CDK5RAP2: variants seen among roughly 807,000 people sequenced by gnomAD.
The protein encoded by CDK5RAP2 is CDK5 regulatory subunit-associated protein 2.
Under a neutral mutation model 232.9 loss-of-function variants are expected in CDK5RAP2, and 147 were observed. That is an observed-to-expected ratio of 0.63 (90% CI 0.55 to 0.72). The LOEUF (loss-of-function observed/expected upper bound fraction) is 0.72. Ranked by LOEUF, CDK5RAP2 falls within the 30% of genes least tolerant of loss-of-function variation. The probability of loss-of-function intolerance (pLI) is 0.00; values close to 1 mark genes in which losing one functional copy is unlikely to be tolerated. For missense variants in CDK5RAP2, 2,195 were observed against 2,231.5 expected (o/e 0.98, Z 0.33); for synonymous variants, 833 against 833.7 (o/e 1.00, Z 0.01).
chr9:120,529,028 G>A (rs571435826), intron 8 of CDK5RAP2: 66 of 585,280 alleles, frequency 1.1e-4, no homozygotes, highest in Non-Finnish European at 1.9e-4. Flanking sequence ...GCCCCACAGA[G>A]AGTAAACCAC....
At chr9:120,435,694 C>A (rs775887141) in intron 25 of CDK5RAP2, among the ~76,000 whole-genome samples, 2 of 151,970 alleles carry the variant, frequency 1.3e-5, no homozygotes, top group Admixed American at 6.6e-5. Flanking sequence ...GACGTACTCC[C>A]AAAAAGATGG....
rs778174320 is a variant in CDK5RAP2, at chr9:120,536,416, G to T, written c.618C>A (p.His206Gln). ...ESKLSEMKKM[H>Q]EGDLAMALVL... ...CCAGAGCCATCGCCAAGTCCCCCTC[G>T]TGCATCTTCTTCATCTCTGAAAGCT... The change falls in exon 7 of 38, where the codon CAC (histidine) becomes CAA (glutamine). Residue 206 changes from histidine to glutamine, a missense_variant. Transcript: ENST00000349780. The T allele has an allele frequency of 6.2e-7, 1 of 1,614,098 alleles. No homozygotes were observed. The highest frequency in any genetic ancestry group is 1.1e-5 in the South Asian group (1 of 91,080).
intron 12 of CDK5RAP2, among the ~76,000 whole-genome samples, chr9:120,496,751 C>T: frequency 7.5e-6 from 1 of 132,874 alleles, no homozygotes. Flanking sequence ...GGTCAGCCCC[C>T]CGCCCGGCCA....
chr9:120,569,261 C>T (rs936953210), intron 2 of CDK5RAP2, among the ~76,000 whole-genome samples: 8 of 152,170 alleles, frequency 5.3e-5, no homozygotes, highest in African/African-American at 1.9e-4. Flanking sequence ...CTGCTAGGCC[C>T]CTTTCTAGAT....
At chr9:120,393,339 T>C (rs950737584) in intron 36 of CDK5RAP2, among the ~76,000 whole-genome samples, 2 of 152,192 alleles carry the variant, frequency 1.3e-5, no homozygotes, top group African/African-American at 4.8e-5. Flanking sequence ...ACTCAGTGCC[T>C]GCTCAGTGGC....
chr9:120,549,741 T>G (rs1441452658), intron 4 of CDK5RAP2, among the ~76,000 whole-genome samples: 1 of 152,196 alleles, frequency 6.6e-6, no homozygotes, highest in African/African-American at 2.4e-5. Flanking sequence ...ATGACCACCA[T>G]ACTCACGTAT....
chr9:120,436,931 A>G (rs563301948), intron 25 of CDK5RAP2, among the ~76,000 whole-genome samples: 8 of 151,944 alleles, frequency 5.3e-5, no homozygotes, highest in African/African-American at 9.7e-5. Context: ...AGTTTTCACA[A>G]AAAAAAATAA....
chr9:120,497,806 C>A (rs1324615872), intron 12 of CDK5RAP2, among the ~76,000 whole-genome samples: 1 of 152,148 alleles, frequency 6.6e-6, no homozygotes, highest in East Asian at 1.9e-4. Flanking sequence ...GTAAAAGAGT[C>A]TTGGAACATG....
Position 120,401,011 on chromosome 9 carries a change from G to A in CDK5RAP2, c.5308-126C>T. 6.2e-6 allele frequency: 6 copies of A among 961,488 alleles called. No homozygotes were observed. In the South Asian group the frequency reaches 9.0e-5, roughly 14 times the overall value. The allele number at this position is 961,488 out of a possible 1,614,324, so 59.6% of individuals were successfully genotyped here. ...GTTTCACACGCTGAGCGAAAGCCTG[G>A]TACCACATAACACCAATTTATTGTT... On this transcript the variant is annotated intron_variant, in intron 34 of 37. Coordinates refer to ENST00000349780, the MANE Select transcript of CDK5RAP2 (RefSeq NM_018249.6).
intron 12 of CDK5RAP2, among the ~76,000 whole-genome samples, chr9:120,515,518 A>G (rs1049828044): frequency 1.3e-5 from 2 of 152,246 alleles, no homozygotes; most frequent in Admixed American, 6.5e-5. Flanking sequence ...TAAACCAGAT[A>G]CATTTTGTGT....
At chr9:120,439,378 G>T in intron 24 of CDK5RAP2, 21 bp downstream of exon 24, 1 of 1,600,536 alleles carries the variant, frequency 6.2e-7, no homozygotes, top group Non-Finnish European at 8.6e-7. Context: ...TAAACGGGGA[G>T]ACGGCAGAGG....
chr9:120,553,667 T>C (rs967003615), intron 3 of CDK5RAP2, among the ~76,000 whole-genome samples: 2 of 152,262 alleles, frequency 1.3e-5, no homozygotes, highest in African/African-American at 2.4e-5. Context: ...TGGTGATGGT[T>C]ATAGGGTATG....
chr9:120,517,828 G>A (rs928750743), intron 12 of CDK5RAP2: 2 of 377,252 alleles, frequency 5.3e-6, no homozygotes, highest in Admixed American at 3.0e-5. Context: ...AAGAAACTGA[G>A]GTGGGAGGAT....
intron 5 of CDK5RAP2, among the ~76,000 whole-genome samples, chr9:120,543,115 C>T (rs539599551): frequency 6.6e-6 from 1 of 152,304 alleles, no homozygotes; most frequent in East Asian, 1.9e-4. Context: ...ACCTTAACCC[C>T]AAACAGGAAT....
chr9:120,572,882 C>A (rs1386475004), intron 1 of CDK5RAP2, among the ~76,000 whole-genome samples: 2 of 152,202 alleles, frequency 1.3e-5, no homozygotes, highest in Admixed American at 6.5e-5. Context: ...AAAAGATTTA[C>A]CATCATTAGA....
rs577248439 is a variant in CDK5RAP2, at chr9:120,405,239, A to T, written c.4964-1126T>A. Among the ~76,000 whole-genome samples, 106 of 152,328 alleles carry T rather than the reference A, an allele frequency of 7.0e-4. 1 individual carries two copies. The highest frequency in any genetic ancestry group is 2.4e-3 in the African/African-American group (100 of 41,568). ...TTAAAACAGATGCACTTAAATACAG[A>T]CCTGAGAAGTCTTTTGCAAAGGAAG... On this transcript the variant is annotated intron_variant, in intron 32 of 37. Transcript: ENST00000349780.
At chr9:120,519,807 T>C (rs1470233663) in intron 11 of CDK5RAP2, among the ~76,000 whole-genome samples, 2 of 152,238 alleles carry the variant, frequency 1.3e-5, no homozygotes, top group Admixed American at 1.3e-4. Flanking sequence ...TAAGTATCAT[T>C]TTCTTTTTGA....
chr9:120,570,033 G>A (rs1257386708), intron 2 of CDK5RAP2, among the ~76,000 whole-genome samples: 1 of 152,158 alleles, frequency 6.6e-6, no homozygotes, highest in Non-Finnish European at 1.5e-5. Context: ...CAAAAAGGGT[G>A]GTGAGCTTTG....
At chr9:120,563,430 G>A (rs1399530618) in intron 3 of CDK5RAP2, among the ~76,000 whole-genome samples, 1 of 152,216 alleles carries the variant, frequency 6.6e-6, no homozygotes, top group East Asian at 1.9e-4. Context: ...TACAGAAACT[G>A]AACACTGATG....
Sources: gnomAD v4.1 joint callset for allele counts (sites outside exome capture counted in the v4.1 genomes callset) on GRCh38, gnomAD v4.1.1 for gene constraint, MANE v1.5 for transcripts, NCBI Gene and HGNC (gene_info 2026-07-23, HGNC 2026-07-21) for gene names.